USH2A: variants seen among roughly 807,000 people sequenced by gnomAD.
The protein encoded by USH2A is Usher syndrome 2A (autosomal recessive, mild).
A neutral mutation model predicts 538.9 loss-of-function variants in USH2A; 443 were observed. That is an observed-to-expected ratio of 0.82 (90% confidence interval 0.76 to 0.89). The LOEUF (loss-of-function observed/expected upper bound fraction) is 0.89, where lower values mean the gene tolerates loss of function less well. Among genes scored for constraint, USH2A ranks in the 40% least tolerant of loss-of-function variants. USH2A has a pLI of 0.00. For synonymous variants in USH2A, 2,413 were observed against 2,273.5 expected (o/e 1.06, Z -1.75); for missense variants, 6,633 against 6,324.8 (o/e 1.05, Z -1.65).
At chr1:215,761,755 T>G (rs1660988739) in intron 56 of USH2A, among the ~76,000 whole-genome samples, 1 of 152,154 alleles carries the variant, frequency 6.6e-6, no homozygotes, top group African/African-American at 2.4e-5. Context: ...CTCTTATAGA[T>G]GTACAAATCC....
intron 49 of USH2A, among the ~76,000 whole-genome samples, chr1:215,808,040 A>G (rs1662552126): frequency 6.6e-6 from 1 of 152,260 alleles, no homozygotes; most frequent in East Asian, 1.9e-4. Flanking sequence ...ATATGGAGCC[A>G]GGCAGTTTGA....
intron 37 of USH2A, among the ~76,000 whole-genome samples, chr1:215,951,953 T>C (rs1317335595): frequency 6.6e-6 from 1 of 151,464 alleles, no homozygotes; most frequent in Non-Finnish European, 1.5e-5. Flanking sequence ...CAAGCTCCGC[T>C]TCCCGGGTTC....
intron 22 of USH2A, among the ~76,000 whole-genome samples, chr1:216,091,986 G>T (rs1401861820): frequency 6.6e-6 from 1 of 152,076 alleles, no homozygotes; most frequent in Non-Finnish European, 1.5e-5. Flanking sequence ...GAGGCCAGGA[G>T]TTCGGGACCA....
Position 215,813,727 on chromosome 1 carries a change from A to G in USH2A, c.9739+9T>C. 1.2e-6 allele frequency: 2 copies of G among 1,613,772 alleles called. No individual in the cohort carries two copies. The highest frequency in any genetic ancestry group is 8.5e-7 in the Non-Finnish European group (1 of 1,179,780). ...ATAGTTTTTGAGTACACCTGGAAATAACCCTCACCTGGTAGAATTCTAGCG... is the reference window on the plus strand; with the variant it reads ...ATAGTTTTTGAGTACACCTGGAAATGACCCTCACCTGGTAGAATTCTAGCG... On this transcript the variant is annotated intron_variant, in intron 49 of 71. Transcript: ENST00000307340.
intron 8 of USH2A, among the ~76,000 whole-genome samples, chr1:216,322,604 C>CAAA (rs202180946): frequency 0.018 from 1,312 of 72,688 alleles, 21 homozygotes; most frequent in East Asian, 0.074. Context: ...AAAAGCCTGT[C>CAAA]AAAAAAAAAA....
intron 2 of USH2A, among the ~76,000 whole-genome samples, chr1:216,419,074 AT>A (rs961017189): frequency 5.9e-5 from 9 of 151,716 alleles, no homozygotes; most frequent in South Asian, 2.1e-4. Flanking sequence ...CAGTGCAAAA[AT>A]TTTTTTTTAA....
intron 30 of USH2A, among the ~76,000 whole-genome samples, chr1:216,067,375 C>T (rs924164080): frequency 6.6e-6 from 1 of 151,204 alleles, no homozygotes; most frequent in African/African-American, 2.4e-5. Context: ...TGTAACAAGC[C>T]TGCACATTCT....
At chr1:215,993,579 G>A (rs1668060415) in intron 34 of USH2A, among the ~76,000 whole-genome samples, 1 of 151,104 alleles carries the variant, frequency 6.6e-6, no homozygotes, top group South Asian at 2.1e-4. Flanking sequence ...ACTAGAGGAT[G>A]AAGACTACTT....
At chr1:216,338,552 A>T (rs1157253857) in intron 4 of USH2A, among the ~76,000 whole-genome samples, 1 of 151,612 alleles carries the variant, frequency 6.6e-6, no homozygotes, top group Non-Finnish European at 1.5e-5. Context: ...AGTAACTGAT[A>T]TATTCGCCAA....
At chr1:216,292,086 G>T in intron 10 of USH2A, 89 bp downstream of exon 10, 1 of 1,397,928 alleles carries the variant, frequency 7.2e-7, no homozygotes, top group Non-Finnish European at 1.0e-6. Flanking sequence ...CCTTAAATAA[G>T]ATAGCAATAA....
At chr1:215,774,097 T>A (rs1661383663) in intron 55 of USH2A, among the ~76,000 whole-genome samples, 1 of 152,178 alleles carries the variant, frequency 6.6e-6, no homozygotes, top group African/African-American at 2.4e-5. Flanking sequence ...GTCCATTTTC[T>A]GTATTCATGC....
chr1:215,999,021 G>A lies in USH2A; in HGVS notation c.6523C>T (p.Arg2175Cys), dbSNP rs576163859. 47 of 1,612,032 alleles carry A rather than the reference G, an allele frequency of 2.9e-5. No homozygotes were observed. The highest frequency in any genetic ancestry group is 1.8e-4 in the Admixed American group (11 of 59,870). Residue 2175 changes from arginine to cysteine, a missense_variant, in exon 34 of 72, where the codon CGC becomes TGC. Coordinates refer to ENST00000307340, the MANE Select transcript of USH2A (RefSeq NM_206933.4). ...QPRKISGILE[R>C]YVLYMSNHTH... ...TGGTTTGACATATATAATACATAGC[G>A]TTCCAGAATCCCACTTATTTTTCTT...
intron 47 of USH2A, among the ~76,000 whole-genome samples, chr1:215,834,058 A>G (rs1029880291): frequency 2.6e-5 from 4 of 152,162 alleles, no homozygotes; most frequent in African/African-American, 9.6e-5. Flanking sequence ...AAAACACCTC[A>G]TAGTATCTCA....
intron 21 of USH2A, among the ~76,000 whole-genome samples, chr1:216,111,951 G>A (rs80070457): frequency 0.026 from 3,970 of 151,686 alleles, 189 homozygotes; most frequent in African/African-American, 0.089. Flanking sequence ...ATTTTCATAT[G>A]GAAGTAACTC....
intron 61 of USH2A, among the ~76,000 whole-genome samples, chr1:215,716,386 A>C (rs937697916): frequency 6.6e-6 from 1 of 152,196 alleles, no homozygotes; most frequent in Non-Finnish European, 1.5e-5. Context: ...CAACCCATTA[A>C]TCAAGCTATC....
intron 11 of USH2A, among the ~76,000 whole-genome samples, chr1:216,265,350 T>C (rs765059031): frequency 1.2e-4 from 18 of 151,986 alleles, no homozygotes; most frequent in Admixed American, 3.3e-4. Flanking sequence ...AAATAACAAA[T>C]GCTTACAAGG....
At chr1:216,279,324 T>C (rs547614820) in intron 11 of USH2A, among the ~76,000 whole-genome samples, 11 of 152,258 alleles carry the variant, frequency 7.2e-5, no homozygotes, top group Non-Finnish European at 1.5e-4. Context: ...CTAACTTAAT[T>C]TGGATGACTT....
intron 41 of USH2A, among the ~76,000 whole-genome samples, chr1:215,883,807 T>C (rs772444984): frequency 1.3e-5 from 2 of 152,154 alleles, no homozygotes; most frequent in Non-Finnish European, 2.9e-5. Flanking sequence ...TTAAAGTAAG[T>C]TTACATACTA....
chr1:216,193,531 A>G (rs2034766463), intron 19 of USH2A, among the ~76,000 whole-genome samples: 1 of 152,116 alleles, frequency 6.6e-6, no homozygotes, highest in African/African-American at 2.4e-5. Context: ...AAAATTCAGA[A>G]TAAGACCTTG....
Sources: allele counts gnomAD v4.1 joint callset (sites outside exome capture counted in the v4.1 genomes callset), GRCh38; gene constraint gnomAD v4.1.1; transcripts MANE v1.5; gene names NCBI Gene and HGNC (gene_info 2026-07-23, HGNC 2026-07-21).